Variants in CDK5RAP1 observed in about 807,000 individuals in gnomAD.
CDK5RAP1 encodes CDK5RAP1 mitochondrial tRNA methylthiotransferase.
A neutral mutation model predicts 64.5 loss-of-function variants in CDK5RAP1; 62 were observed. The observed-to-expected ratio is 0.96, with a 90% CI of 0.78 to 1.19. CDK5RAP1 has a LOEUF of 1.19. Ranked by LOEUF, CDK5RAP1 falls within the 50% of genes most tolerant of loss-of-function variation. CDK5RAP1 has a pLI of 0.00. For synonymous variants in CDK5RAP1, 250 were observed against 261.9 expected, an observed-to-expected ratio of 0.95 and a Z score of 0.44; for missense variants, 657 against 735.0, an observed-to-expected ratio of 0.89 and a Z score of 1.23.
chr20:33,388,173 T>C (rs977821150), intron 5 of CDK5RAP1, among the ~76,000 whole-genome samples: 2 of 152,188 alleles, frequency 1.3e-5, no homozygotes, highest in Admixed American at 6.5e-5. Flanking sequence ...AAGTATTCTG[T>C]GTCTGGAACT....
At chr20:33,393,112 T>C (rs4911334) in intron 4 of CDK5RAP1, among the ~76,000 whole-genome samples, 3,439 of 152,214 alleles carry the variant, frequency 0.023, 238 homozygotes, top group Admixed American at 0.14. Context: ...ACTCCTGACC[T>C]CATGATATGC....
At chr20:33,373,077 AGTGT>A (rs928489148) in intron 9 of CDK5RAP1, 12 of 198,878 alleles carry the variant, frequency 6.0e-5, no homozygotes, top group African/African-American at 1.4e-4. Flanking sequence ...ACACCCAGCT[AGTGT>A]GTGTGTGTGT....
At chr20:33,366,012 T>C (rs900063240) in intron 12 of CDK5RAP1, among the ~76,000 whole-genome samples, 4 of 152,130 alleles carry the variant, frequency 2.6e-5, no homozygotes, top group African/African-American at 9.7e-5. Flanking sequence ...AATGGCTATG[T>C]TGGATGAATA....
At chr20:33,378,082 G>A (rs547219826) in intron 8 of CDK5RAP1, among the ~76,000 whole-genome samples, 2 of 152,296 alleles carry the variant, frequency 1.3e-5, no homozygotes, top group South Asian at 4.1e-4. Flanking sequence ...TGACATAAGA[G>A]GCCTAGCTTT....
intron 13 of CDK5RAP1, chr20:33,359,385 C>A: frequency 2.4e-6 from 1 of 412,360 alleles, no homozygotes; most frequent in Non-Finnish European, 4.4e-6. Flanking sequence ...CTCCTCAGCT[C>A]TAACCATAAA....
chr20:33,387,345 C>T lies in CDK5RAP1; in HGVS notation c.733G>A (p.Ala245Thr), dbSNP rs1243183648. 6.2e-7 allele frequency: 1 copy of T among 1,613,786 alleles called. No individual in the cohort carries two copies. Among genetic ancestry groups the T allele is most frequent in the East Asian group, 2.2e-5 (1 of 44,868 alleles). The change falls in exon 6 of 14, where the codon GCC (alanine) becomes ACC (threonine). Residue 245 changes from alanine (A) to threonine (T), a missense_variant. Ala to Thr is a moderately conservative substitution (Grantham distance 58). Coordinates refer to ENST00000346416, the MANE Select transcript of CDK5RAP1 (RefSeq NM_016408.4). ...CACACAAAGGCAGACGTGGCACTGG[C>T]GCTTGTCTGGACTGGCATGACATCA... ...YADVMPVQTSASATSAFVSIM... is the reference protein window; with the variant it reads ...YADVMPVQTSTSATSAFVSIM...
intron 5 of CDK5RAP1, among the ~76,000 whole-genome samples, chr20:33,389,352 C>CGCCCCGTCTGAGAAGTGAGGA: frequency 6.6e-6 from 1 of 151,382 alleles, no homozygotes; most frequent in Non-Finnish European, 1.5e-5. Context: ...GCGCGGCAGC[C>CGCCCCGTCTGAGAAGTGAGGA]GCCCCGTCTG....
At chr20:33,384,140 T>G (rs551747035) in intron 7 of CDK5RAP1, among the ~76,000 whole-genome samples, 14 of 152,318 alleles carry the variant, frequency 9.2e-5, no homozygotes, top group African/African-American at 2.9e-4. Context: ...CTATACTCTT[T>G]GCAACTGTAG....
At position 33,379,404 on chromosome 20, in the gene CDK5RAP1, C is replaced by G; in HGVS notation, c.1107+57G>C. ...TCTGCTGCATCCCTACTGGGTCCAG[C>G]CTTTGGCATGCTCAAGAATACTAAT... On this transcript the variant is annotated intron_variant, in intron 8 of 13. Coordinates refer to ENST00000346416, the MANE Select transcript of CDK5RAP1 (RefSeq NM_016408.4). 3 of 1,301,500 alleles carry G rather than the reference C, an allele frequency of 2.3e-6. No homozygotes were observed. In the South Asian group the frequency reaches 3.7e-5, roughly 16 times the overall value. The allele number at this position is 1,301,500 out of a possible 1,614,324, so 80.6% of individuals were successfully genotyped here. A position where few individuals can be genotyped will look rare whatever the true frequency, so the allele number is the denominator to read the frequency against.
chr20:33,394,901 G>A, intron 3 of CDK5RAP1, 112 bp downstream of exon 3: 2 of 710,394 alleles, frequency 2.8e-6, no homozygotes, highest in Admixed American at 3.8e-5. Flanking sequence ...TCACCCAAGG[G>A]AACTCTCTCT....
intron 11 of CDK5RAP1, among the ~76,000 whole-genome samples, chr20:33,368,963 A>G (rs1227801719): frequency 6.6e-6 from 1 of 150,968 alleles, no homozygotes; most frequent in African/African-American, 2.4e-5. Context: ...ACATGGTAAA[A>G]CCCTGTCTCT....
At chr20:33,365,530 C>G (rs931369978) in intron 12 of CDK5RAP1, among the ~76,000 whole-genome samples, 3 of 151,368 alleles carry the variant, frequency 2.0e-5, no homozygotes, top group Non-Finnish European at 2.9e-5. Context: ...CCTCGGCCCC[C>G]CAAAGTGCTG....
intron 12 of CDK5RAP1, 79 bp downstream of exon 12, chr20:33,366,780 A>G: frequency 7.1e-7 from 1 of 1,410,700 alleles, no homozygotes; most frequent in Non-Finnish European, 9.7e-7. Context: ...CAGCCTAGGC[A>G]ACATAATGAG....
At chr20:33,385,567 A>G (rs763377914) in intron 7 of CDK5RAP1, 83 bp downstream of exon 7, 2 of 1,516,812 alleles carry the variant, frequency 1.3e-6, no homozygotes, top group East Asian at 4.5e-5. Flanking sequence ...TAAGTCAGAG[A>G]CAGCATAGGC....
At chr20:33,361,205 G>A (rs1300808657) in intron 12 of CDK5RAP1, among the ~76,000 whole-genome samples, 1 of 152,198 alleles carries the variant, frequency 6.6e-6, no homozygotes, top group Non-Finnish European at 1.5e-5. Flanking sequence ...GAAGGTACAT[G>A]CCAGACGGGA....
In CDK5RAP1 at chr20:33,401,410, G is replaced by T; in HGVS notation, c.-21+18C>A. 1 of 985,454 alleles carries T rather than the reference G, an allele frequency of 1.0e-6. No individual in the cohort carries two copies. The highest frequency in any genetic ancestry group is 1.2e-6 in the Non-Finnish European group (1 of 829,956). The allele number at this position is 985,454 out of a possible 1,614,324, so 61.0% of individuals were successfully genotyped here. ...CAAAAGCGGGTGCGCAGCCCACCCC[G>T]GCGGCCGCGCTGCTCACCTCCCGCA... On this transcript the variant is annotated intron_variant, in intron 1 of 13. Transcript: ENST00000346416.
chr20:33,381,813 T>C (rs1986790317), intron 7 of CDK5RAP1, among the ~76,000 whole-genome samples: 1 of 152,118 alleles, frequency 6.6e-6, no homozygotes, highest in Admixed American at 6.6e-5. Flanking sequence ...ATAACTCCAG[T>C]CTCCATAAAG....
At chr20:33,359,982 T>C (rs1159771730) in intron 13 of CDK5RAP1, 1 of 185,408 alleles carries the variant, frequency 5.4e-6, no homozygotes, top group African/African-American at 2.4e-5. Flanking sequence ...CACATGTAAG[T>C]TAAAGAGGCC....
chr20:33,367,101 C>A, intron 11 of CDK5RAP1, 93 bp from the exon 12 acceptor site: 1 of 1,251,292 alleles, frequency 8.0e-7, no homozygotes. Context: ...GTTCATTCTA[C>A]CTACAAGTAA....
Sources: allele counts gnomAD v4.1 joint callset (sites outside exome capture counted in the v4.1 genomes callset), GRCh38; gene constraint gnomAD v4.1.1; transcripts MANE v1.5; gene names NCBI Gene and HGNC (gene_info 2026-07-23, HGNC 2026-07-21).